MAN2B2: variants seen among roughly 807,000 people sequenced by gnomAD.
MAN2B2 encodes epididymis-specific alpha-mannosidase.
Under a neutral mutation model 117.1 loss-of-function variants are expected in MAN2B2, and 106 were observed. The ratio of observed to expected loss-of-function variants is 0.90; its 90% CI spans 0.77 to 1.06. The LOEUF (loss-of-function observed/expected upper bound fraction) is 1.06. Among genes scored for constraint, MAN2B2 ranks in the 50% least tolerant of loss-of-function variants. MAN2B2 has a pLI of 0.00. For synonymous variants in MAN2B2, 544 were observed against 595.1 expected (o/e 0.91, Z 1.25); for missense variants, 1,326 against 1,381.4 (o/e 0.96, Z 0.64).
chr4:6,597,045 C>G, intron 7 of MAN2B2, 68 bp from the exon 8 acceptor site: 1 of 1,468,722 alleles, frequency 6.8e-7, no homozygotes, highest in Non-Finnish European at 9.3e-7. Context: ...TCAGCTCTTC[C>G]AGGGCTGGAG....
At chr4:6,595,056 G>A (rs945555751) in intron 7 of MAN2B2, among the ~76,000 whole-genome samples, 5 of 152,214 alleles carry the variant, frequency 3.3e-5, no homozygotes, top group African/African-American at 1.2e-4. Flanking sequence ...TCCTGCATGA[G>A]TTCCACATAA....
In MAN2B2 at chr4:6,597,235, C is replaced by T; in HGVS notation, c.1180C>T (p.Pro394Ser). ...GTTCACACGCTACCTGTGGCCGGCC[C>T]CCCGTGGGCATCTGGACCCCACCTG... ...SMFTRYLWPAPRGHLDPTWAL... is the reference protein window; with the variant it reads ...SMFTRYLWPASRGHLDPTWAL... The change falls in exon 8 of 19, where the codon CCC becomes TCC. Residue 394 changes from proline (P) to serine (S), a missense_variant. Transcript: ENST00000285599. 6.2e-7 allele frequency: 1 copy of T among 1,605,324 alleles called. No homozygotes were observed. Among genetic ancestry groups the T allele is most frequent in the Non-Finnish European group, 8.5e-7 (1 of 1,175,198 alleles).
In MAN2B2 at chr4:6,614,239, G is replaced by A; in HGVS notation, c.2585G>A (p.Gly862Glu). 6.2e-7 allele frequency: 1 copy of A among 1,614,116 alleles called. No individual in the cohort carries two copies. The highest frequency in any genetic ancestry group is 8.5e-7 in the Non-Finnish European group (1 of 1,180,002). The change falls in exon 16 of 19, where the codon GGA (glycine) becomes GAA (glutamate). Residue 862 changes from glycine (G) to glutamate (E), a missense_variant. By Grantham distance (98) the Gly-to-Glu change is moderately conservative (BLOSUM62 -2). Coordinates refer to ENST00000285599, the MANE Select transcript of MAN2B2 (RefSeq NM_015274.3). ...DLAGTAPKLP[G>E]PQQQEAVTLP... ...GCAGGGACTGCGCCGAAGCTCCCAG[G>A]ACCCCAGCAGCAAGAGGCCGTGACG...
intron 16 of MAN2B2, 107 bp downstream of exon 16, chr4:6,614,462 TGC>T: frequency 1.5e-6 from 2 of 1,341,152 alleles, no homozygotes; most frequent in Non-Finnish European, 2.0e-6. Context: ...ATCATGGCTC[TGC>T]AAGGTCACCT....
intron 5 of MAN2B2, among the ~76,000 whole-genome samples, chr4:6,589,427 G>A (rs1459067229): frequency 6.6e-6 from 1 of 152,162 alleles, no homozygotes; most frequent in Admixed American, 6.5e-5. Context: ...TTTTAGTAGA[G>A]AGGGAGTTTC....
At chr4:6,586,642 TG>T (rs1277718518) in intron 3 of MAN2B2, among the ~76,000 whole-genome samples, 1 of 151,240 alleles carries the variant, frequency 6.6e-6, no homozygotes, top group African/African-American at 2.4e-5. Context: ...TGCTAGGGGC[TG>T]GGGGAGGGGC....
chr4:6,593,581 C>T (rs1475174419), intron 6 of MAN2B2, among the ~76,000 whole-genome samples: 9 of 152,244 alleles, frequency 5.9e-5, no homozygotes, highest in Non-Finnish European at 1.3e-4. Flanking sequence ...TCCCACTCAG[C>T]TCTCTTCCCT....
At chr4:6,615,546 C>T (rs1244180240) in intron 16 of MAN2B2, among the ~76,000 whole-genome samples, 1 of 152,114 alleles carries the variant, frequency 6.6e-6, no homozygotes, top group African/African-American at 2.4e-5. Flanking sequence ...TCTGTAATGC[C>T]AGCACTTTGG....
chr4:6,613,341 C>G (rs1163267199), intron 15 of MAN2B2, among the ~76,000 whole-genome samples: 1 of 152,096 alleles, frequency 6.6e-6, no homozygotes, highest in Non-Finnish European at 1.5e-5. Flanking sequence ...GTAATCCCAG[C>G]ACTTCGGGAG....
Position 6,614,084 on chromosome 4 carries a change from C to T in MAN2B2, c.2564-134C>T, listed in dbSNP as rs1028511244. The T allele has an allele frequency of 2.0e-4, 216 of 1,096,800 alleles. 1 individual carries two copies. Among genetic ancestry groups the T allele is most frequent in the East Asian group, 3.6e-4 (14 of 38,764 alleles). 67.9% of individuals were successfully genotyped at this position (1,096,800 alleles called of 1,614,324 possible). ...GGAGCACAAACACTTTGGGCTGGTG[C>T]GGGGTAGGCTACCCACAAGGATGCA... On this transcript the variant is annotated intron_variant, in intron 15 of 18. Transcript: ENST00000285599.
At position 6,617,381 on chromosome 4, in the gene MAN2B2, C is replaced by T. The variant is rs373794354; in HGVS notation, c.2703C>T (p.Gly901=). Residue 901 remains glycine, a splice_region_variant and synonymous_variant, in exon 17 of 19, where the codon GGC becomes GGT. Coordinates refer to ENST00000285599, the MANE Select transcript of MAN2B2 (RefSeq NM_015274.3). The stretch of plus-strand genomic sequence containing the variant: ...GCCACCTTCCTTCTGTCCCCAAAGG[C>T]CATCGAGGGGAAGCCCAGGCTGACC... The part of the protein sequence containing the change: ...HTEHSQNLRK[G]HRGEAQADLR... 1 of 1,613,414 alleles carries T rather than the reference C, an allele frequency of 6.2e-7. No individual in the cohort carries two copies. Among genetic ancestry groups the T allele is most frequent in the African/African-American group, 1.3e-5 (1 of 74,916 alleles).
chr4:6,591,551 G>A (rs1469306697), intron 5 of MAN2B2, among the ~76,000 whole-genome samples: 1 of 152,220 alleles, frequency 6.6e-6, no homozygotes, highest in Non-Finnish European at 1.5e-5. Flanking sequence ...ACTGTTGGGT[G>A]GAGGACCAGG....
In MAN2B2 at chr4:6,609,316, A is replaced by AC. The variant is rs748833332; in HGVS notation, c.2006+23dup. Reference sequence around the variant, plus strand: ...TTCTACAGGTGCTTCCCCTGGGGTGACCCCCACAGCCCGGCACACAGTCAG... The same window carrying AC: ...TTCTACAGGTGCTTCCCCTGGGGTGACCCCCCACAGCCCGGCACACAGTCAG... On this transcript the variant is annotated intron_variant, in intron 12 of 18. Transcript: ENST00000285599. 1.2e-4 allele frequency: 191 copies of AC among 1,608,714 alleles called. No homozygotes were observed. Among genetic ancestry groups the AC allele is most frequent in the South Asian group, 9.5e-4 (86 of 90,702 alleles).
chr4:6,579,421 A>ACCACCAT (rs1430648941), intron 3 of MAN2B2, among the ~76,000 whole-genome samples: 80 of 121,846 alleles, frequency 6.6e-4, no homozygotes, highest in African/African-American at 2.4e-3. Flanking sequence ...CACCATCACC[A>ACCACCAT]CCACCATCAC....
In MAN2B2 at chr4:6,576,432, T is replaced by C; in HGVS notation, c.139-146T>C. ...TGGGGAGAGCCTGGTATGGAGCGAG[T>C]GCCTAATAGCTGTGTGGGGGGTGAG... On this transcript the variant is annotated intron_variant, in intron 1 of 18. Coordinates refer to ENST00000285599, the MANE Select transcript of MAN2B2 (RefSeq NM_015274.3). The C allele has an allele frequency of 3.4e-6, 3 of 893,082 alleles. No homozygotes were observed. In the South Asian group the frequency reaches 4.7e-5, roughly 14 times the overall value. 55.3% of individuals were successfully genotyped at this position (893,082 alleles called of 1,614,324 possible). A position where few individuals can be genotyped will look rare whatever the true frequency, so the allele number is the denominator to read the frequency against.
chr4:6,619,038 A>C (rs1712030910), intron 17 of MAN2B2: 1 of 152,288 alleles, frequency 6.6e-6, no homozygotes, highest in Admixed American at 6.5e-5. Flanking sequence ...AGATGGAAGC[A>C]CCAAGGCCCT....
At chr4:6,584,634 T>C (rs886689776) in intron 3 of MAN2B2, among the ~76,000 whole-genome samples, 2 of 152,230 alleles carry the variant, frequency 1.3e-5, no homozygotes, top group African/African-American at 4.8e-5. Flanking sequence ...CAGTTTCCGA[T>C]GGGTCAAGCT....
chr4:6,582,338 C>T (rs532591175), intron 3 of MAN2B2, among the ~76,000 whole-genome samples: 1 of 152,218 alleles, frequency 6.6e-6, no homozygotes, highest in African/African-American at 2.4e-5. Flanking sequence ...GTTGCCGTTG[C>T]TGCTGTTGTT....
chr4:6,613,674 G>A (rs956805321), intron 15 of MAN2B2, among the ~76,000 whole-genome samples: 2 of 135,632 alleles, frequency 1.5e-5, no homozygotes, highest in African/African-American at 5.6e-5. Flanking sequence ...GGAAAGAAGG[G>A]AGGAAGGAAG....
Sources: gnomAD v4.1 joint callset for allele counts (sites outside exome capture counted in the v4.1 genomes callset) on GRCh38, gnomAD v4.1.1 for gene constraint, MANE v1.5 for transcripts, NCBI Gene and HGNC (gene_info 2026-07-23, HGNC 2026-07-21) for gene names.